ILK: variants seen among roughly 807,000 people sequenced by gnomAD.
ILK encodes scaffold protein ILK.
A neutral mutation model predicts 57.8 loss-of-function variants in ILK; 37 were observed. The observed-to-expected ratio is 0.64, with a 90% CI of 0.49 to 0.84. The LOEUF is 0.84. ILK is among the 40% of genes least tolerant of loss of function. The pLI, the probability that ILK is intolerant of heterozygous loss-of-function variation, is 0.00. For missense variants in ILK, 528 were observed against 595.7 expected, an observed-to-expected ratio of 0.89 and a Z score of 1.18; for synonymous variants, 231 against 202.2, an observed-to-expected ratio of 1.14 and a Z score of -1.21.
chr11:6,610,498 G>C lies in ILK; in HGVS notation c.1246G>C (p.Gly416Arg). ...AGGCCTTCGGCCTACCATCCCACCA[G>C]GTATTTCCCCTCATGTGTGTAAGCT... The part of the protein sequence containing the change: ...LEGLRPTIPP[G>R]ISPHVCKLMK... Residue 416 changes from glycine (G) to arginine (R), a missense_variant, in exon 13 of 13, where the codon GGT (glycine) becomes CGT (arginine). By Grantham distance (125) the Gly-to-Arg change is moderately radical. Transcript: ENST00000299421. 3 of 1,614,212 alleles carry C rather than the reference G, an allele frequency of 1.9e-6. No individual in the cohort carries two copies. Among genetic ancestry groups the C allele is most frequent in the Non-Finnish European group, 2.5e-6 (3 of 1,180,030 alleles).
chr11:6,604,392 G>T, intron 2 of ILK, 32 bp downstream of exon 2: 2 of 1,561,594 alleles, frequency 1.3e-6, no homozygotes, highest in African/African-American at 1.4e-5. Context: ...ATGAGAGGAA[G>T]GCTAGAGATC....
rs564146367 is a variant in ILK, at chr11:6,610,652, A to G, written c.*41A>G. 1.5e-5 allele frequency: 25 copies of G among 1,612,992 alleles called. No individual in the cohort carries two copies. The highest frequency in any genetic ancestry group is 2.1e-5 in the Non-Finnish European group (25 of 1,179,260). On this transcript the variant is annotated 3_prime_UTR_variant, in exon 13 of 13. Transcript: ENST00000299421. ...GCCTGAACTCCAGAGGTGTCGGGACATGGTTGGGGGAATGCACCTCCCCAA... is the reference window on the plus strand; with the variant it reads ...GCCTGAACTCCAGAGGTGTCGGGACGTGGTTGGGGGAATGCACCTCCCCAA...
Position 6,609,618 on chromosome 11 carries a change from A to G in ILK, c.835A>G (p.Asn279Asp). ...THWMPYGSLY[N>D]VLHEGTNFVV... The stretch of plus-strand genomic sequence containing the variant: ...CTGGATGCCGTATGGATCCCTCTAC[A>G]ATGTACTACATGAAGGCACCAGTGA... Residue 279 changes from asparagine to aspartate, a missense_variant, in exon 9 of 13, where the codon AAT becomes GAT. Coordinates refer to ENST00000299421, the MANE Select transcript of ILK (RefSeq NM_004517.4). 1 of 1,614,074 alleles carries G rather than the reference A, an allele frequency of 6.2e-7. No homozygotes were observed. The highest frequency in any genetic ancestry group is 8.5e-7 in the Non-Finnish European group (1 of 1,180,010).
intron 2 of ILK, chr11:6,607,799 G>C (rs1855078582): frequency 3.7e-6 from 2 of 534,702 alleles, no homozygotes; most frequent in South Asian, 4.1e-5. Context: ...AAGGAAATGA[G>C]ATGTGGGATA....
chr11:6,606,684 T>C (rs1854940143), intron 2 of ILK: 1 of 152,292 alleles, frequency 6.6e-6, no homozygotes, highest in South Asian at 2.1e-4. Flanking sequence ...CAAAGTTGGC[T>C]ATATGCTGGA....
Position 6,604,299 on chromosome 11 carries a change from G to T in ILK, c.28G>T (p.Glu10Ter). 2 of 1,612,960 alleles carry T rather than the reference G, an allele frequency of 1.2e-6. No individual in the cohort carries two copies. The highest frequency in any genetic ancestry group is 1.7e-6 in the Non-Finnish European group (2 of 1,179,740). Reference sequence around the variant, plus strand: ...GGACGACATTTTCACTCAGTGCCGGGAGGGCAACGCAGTCGCCGTTCGCCT... The same window carrying T: ...GGACGACATTTTCACTCAGTGCCGGTAGGGCAACGCAGTCGCCGTTCGCCT... Reference protein sequence around the residue: MDDIFTQCREGNAVAVRLWL... With the variant: MDDIFTQCR The change falls in exon 2 of 13, where the codon GAG (glutamate) becomes TAG (stop). Residue 10 changes from glutamate to a stop codon, truncating the protein, a stop_gained. Coordinates refer to ENST00000299421, the MANE Select transcript of ILK (RefSeq NM_004517.4). LOFTEE classifies it high-confidence loss of function.
At position 6,609,602 on chromosome 11, in the gene ILK, G is replaced by T; in HGVS notation, c.819G>T (p.Pro273=). ...CTACTCTCATCACACACTGGATGCC[G>T]TATGGATCCCTCTACAATGTACTAC... ...PHPTLITHWM[P]YGSLYNVLHE... is the part of the protein sequence containing the mutation. The change falls in exon 9 of 13, where the codon CCG becomes CCT. Residue 273 remains proline (P), a synonymous_variant. Transcript: ENST00000299421. The T allele has an allele frequency of 1.2e-6, 2 of 1,613,872 alleles. No individual in the cohort carries two copies. The highest frequency in any genetic ancestry group is 1.7e-6 in the Non-Finnish European group (2 of 1,179,944).
chr11:6,608,363 C>A lies in ILK; in HGVS notation c.256-31C>A. On this transcript the variant is annotated intron_variant, in intron 3 of 12. Coordinates refer to ENST00000299421, the MANE Select transcript of ILK (RefSeq NM_004517.4). This position sits in a 1 kb window ranked among gnomAD's most constrained non-coding sequence, Gnocchi z 4.9. ...CATTTGGAACTGACTGTACTTTCTG[C>A]CTCTTCTTTTTGTCTGGCCATGGGG... The A allele has an allele frequency of 6.2e-7, 1 of 1,602,908 alleles. No individual in the cohort carries two copies. Among genetic ancestry groups the A allele is most frequent in the Non-Finnish European group, 8.5e-7 (1 of 1,169,786 alleles).
Position 6,608,240 on chromosome 11 carries a change from T to C in ILK, c.255+29T>C. On this transcript the variant is annotated intron_variant, in intron 3 of 12. Coordinates refer to ENST00000299421, the MANE Select transcript of ILK (RefSeq NM_004517.4). The surrounding 1 kb of genome is among the most constrained non-coding windows in gnomAD (Gnocchi z 4.9). ...CGTACAAACTCCTTCGTCATCCACA[T>C]CACATACATGCCATGAGGGTCAGTC... 6.2e-7 allele frequency: 1 copy of C among 1,612,716 alleles called. No individual in the cohort carries two copies. The highest frequency in any genetic ancestry group is 8.5e-7 in the Non-Finnish European group (1 of 1,178,678).
Position 6,610,810 on chromosome 11 carries a change from T to G in ILK, c.*199T>G. ...GCTCAGAGCTTTGTCACTTGCCACATGGTGTCTCCCAACATGGGAGGGATC... is the reference window on the plus strand; with the variant it reads ...GCTCAGAGCTTTGTCACTTGCCACAGGGTGTCTCCCAACATGGGAGGGATC... On this transcript the variant is annotated 3_prime_UTR_variant, in exon 13 of 13. Transcript: ENST00000299421. 7.2e-7 allele frequency: 1 copy of G among 1,387,238 alleles called. No homozygotes were observed. Among genetic ancestry groups the G allele is most frequent in the Non-Finnish European group, 1.0e-6 (1 of 984,240 alleles). 85.9% of individuals were successfully genotyped at this position (1,387,238 alleles called of 1,614,324 possible).
At chr11:6,610,095 G>A in intron 11 of ILK, 53 bp from the exon 12 acceptor site, 3 of 1,614,068 alleles carry the variant, frequency 1.9e-6, no homozygotes, top group Non-Finnish European at 2.5e-6. Context: ...AGTGGAAGGG[G>A]GCAGAGACAG....
intron 1 of ILK, 27 bp downstream of exon 1, chr11:6,603,849 T>C: frequency 2.8e-6 from 1 of 352,940 alleles, no homozygotes; most frequent in Non-Finnish European, 5.2e-6. Flanking sequence ...CCGCGCCCCC[T>C]GTCACCCCTC....
chr11:6,607,511 A>C (rs3741271), intron 2 of ILK: 35,249 of 161,710 alleles, frequency 0.22, 4,188 homozygotes, highest in Non-Finnish European at 0.26. Context: ...TCAGTACCAG[A>C]GCCAAATAGT....
In ILK at chr11:6,604,361, G is replaced by T. The variant is rs757113545; in HGVS notation, c.89+1G>T. ...ACACGGAGAACGACCTCAACCAGGG[G>T]TGAGCTGAAACGGTTGGTGGATGAG... On this transcript the variant is annotated splice_donor_variant, in intron 2 of 12. Coordinates refer to ENST00000299421, the MANE Select transcript of ILK (RefSeq NM_004517.4). LOFTEE classifies it high-confidence loss of function. 6.2e-7 allele frequency: 1 copy of T among 1,605,248 alleles called. No individual in the cohort carries two copies. The highest frequency in any genetic ancestry group is 1.1e-5 in the South Asian group (1 of 89,422).
rs1300901328 is a variant in ILK at position 6,610,165 on chromosome 11, G to A, written c.1096G>A (p.Glu366Lys). 1 of 1,614,238 alleles carries A rather than the reference G, an allele frequency of 6.2e-7. No individual in the cohort carries two copies. ...CTCTCCAGCTCTGCAGAAGAAGCCT[G>A]AAGACACAAACAGACGCTCAGCAGA... is the stretch of plus-strand genomic sequence containing the variant. The part of the protein sequence containing the change: ...VAPEALQKKP[E>K]DTNRRSADMW... Residue 366 changes from glutamate to lysine, a missense_variant, in exon 12 of 13, where the codon GAA (glutamate) becomes AAA (lysine). Glu to Lys is a moderately conservative substitution (Grantham distance 56). Transcript: ENST00000299421.
chr11:6,608,531 A>G lies in ILK; in HGVS notation c.351+42A>G. On this transcript the variant is annotated intron_variant, in intron 4 of 12. Coordinates refer to ENST00000299421, the MANE Select transcript of ILK (RefSeq NM_004517.4). The surrounding 1 kb of genome is among the most constrained non-coding windows in gnomAD (Gnocchi z 4.9). ...TAATTCCTGAGATGGGTAGGAAGTAAAGTCTGAGCCTTGGTGGGAGATTTT... is the reference window on the plus strand; with the variant it reads ...TAATTCCTGAGATGGGTAGGAAGTAGAGTCTGAGCCTTGGTGGGAGATTTT... 6.5e-7 allele frequency: 1 copy of G among 1,539,720 alleles called. No homozygotes were observed. The highest frequency in any genetic ancestry group is 1.4e-5 in the African/African-American group (1 of 73,460).
At position 6,609,561 on chromosome 11, in the gene ILK, C is replaced by G; in HGVS notation, c.778C>G (p.Pro260Ala). 6.2e-7 allele frequency: 1 copy of G among 1,614,108 alleles called. No homozygotes were observed. The highest frequency in any genetic ancestry group is 8.5e-7 in the Non-Finnish European group (1 of 1,179,992). Residue 260 changes from proline to alanine, a missense_variant, in exon 9 of 13, where the codon CCA (proline) becomes GCA (alanine). Transcript: ENST00000299421. ...CCCAGTGCTAGGTGCCTGCCAGTCT[C>G]CACCTGCTCCTCATCCTACTCTCAT... ...VLPVLGACQS[P>A]PAPHPTLITH...
At chr11:6,606,043 G>A (rs1854871347) in intron 2 of ILK, among the ~76,000 whole-genome samples, 1 of 152,130 alleles carries the variant, frequency 6.6e-6, no homozygotes, top group Non-Finnish European at 1.5e-5. Flanking sequence ...GCGTGGTGGC[G>A]TGCGCCTGTA....
rs552979370 is a variant in ILK, at chr11:6,604,538, T to G, written c.89+178T>G. The stretch of plus-strand genomic sequence containing the variant: ...GACGCAGTTTGAGCTGAATCTTGAC[T>G]GCAGAATAAGAGTTTCACAGGCAGA... On this transcript the variant is annotated intron_variant, in intron 2 of 12. Coordinates refer to ENST00000299421, the MANE Select transcript of ILK (RefSeq NM_004517.4). 31 of 682,664 alleles carry G rather than the reference T, an allele frequency of 4.5e-5. No individual in the cohort carries two copies. The Admixed American group carries it at 5.0e-4, about 11-fold the overall frequency. The allele number at this position is 682,664 out of a possible 1,614,324, so 42.3% of individuals were successfully genotyped here.
Sources: allele counts gnomAD v4.1 joint callset (sites outside exome capture counted in the v4.1 genomes callset), GRCh38; gene constraint gnomAD v4.1.1; non-coding constraint Gnocchi (gnomAD v3.1); transcripts MANE v1.5; gene names NCBI Gene and HGNC (gene_info 2026-07-23, HGNC 2026-07-21).